The following LGR6 variants were observed in gnomAD, a reference collection of about 807,000 sequenced individuals.
LGR6 encodes the protein leucine rich repeat containing G protein-coupled receptor 6.
Under a neutral mutation model 69.4 loss-of-function variants are expected in LGR6, and 45 were observed. The ratio of observed to expected loss-of-function variants is 0.65; its 90% CI spans 0.51 to 0.83. The LOEUF is 0.83. LGR6 is among the 40% of genes least tolerant of loss of function. The probability of loss-of-function intolerance (pLI) is 0.00; values close to 1 mark genes in which losing one functional copy is unlikely to be tolerated. For synonymous variants in LGR6, 538 were observed against 555.0 expected, an observed-to-expected ratio of 0.97 and a Z score of 0.43; for missense variants, 1,108 against 1,246.7, an observed-to-expected ratio of 0.89 and a Z score of 1.68.
At chr1:202,265,863 C>A (rs955835433) in intron 4 of LGR6, among the ~76,000 whole-genome samples, 2 of 152,084 alleles carry the variant, frequency 1.3e-5, no homozygotes, top group African/African-American at 4.8e-5. Flanking sequence ...GGACATAGCC[C>A]GCGTCTTCAG....
intron 4 of LGR6, among the ~76,000 whole-genome samples, chr1:202,239,331 CTTGTGTGTGTGTGGTGTGTGTGTGT>C (rs1267036981): frequency 7.1e-6 from 1 of 140,588 alleles, no homozygotes; most frequent in South Asian, 2.4e-4. Context: ...GCTGGCTGAA[CTTGTGTGTGTGTGGTGTGTGTGTGT>C]GTGTGTGTGT....
intron 1 of LGR6, among the ~76,000 whole-genome samples, chr1:202,208,232 T>C (rs1659329303): frequency 6.6e-6 from 1 of 152,196 alleles, no homozygotes; most frequent in African/African-American, 2.4e-5. Flanking sequence ...CAGGAGACCC[T>C]GGGCTAGGAC....
chr1:202,206,191 C>T (rs140136517), intron 1 of LGR6, among the ~76,000 whole-genome samples: 4 of 152,364 alleles, frequency 2.6e-5, no homozygotes, highest in South Asian at 2.1e-4. Flanking sequence ...TAAACTAATC[C>T]GCTGCCTTTG....
chr1:202,275,761 C>T (rs1461873094), intron 4 of LGR6, among the ~76,000 whole-genome samples: 1 of 152,170 alleles, frequency 6.6e-6, no homozygotes, highest in Non-Finnish European at 1.5e-5. Context: ...GAGGACATTT[C>T]CCTCTGCCAA....
At chr1:202,226,386 T>C (rs1660553820) in intron 2 of LGR6, among the ~76,000 whole-genome samples, 1 of 152,218 alleles carries the variant, frequency 6.6e-6, no homozygotes, top group Non-Finnish European at 1.5e-5. Flanking sequence ...TCTTTTAGAA[T>C]TTAAATAAAA....
intron 1 of LGR6, among the ~76,000 whole-genome samples, chr1:202,211,853 A>G (rs1659474211): frequency 6.6e-6 from 1 of 152,014 alleles, no homozygotes; most frequent in Admixed American, 6.5e-5. Context: ...CCACCCCCAC[A>G]AAGATAGCAA....
chr1:202,209,949 A>G (rs1001968566), intron 1 of LGR6, among the ~76,000 whole-genome samples: 2 of 152,206 alleles, frequency 1.3e-5, no homozygotes, highest in African/African-American at 4.8e-5. Context: ...GTGATGCACC[A>G]TTGGTTTATA....
In LGR6 at chr1:202,204,358, CCACA is replaced by C. The variant is rs760626582; in HGVS notation, c.212+10167_212+10170del. Among the ~76,000 whole-genome samples the C allele has an allele frequency of 3.6e-5, 4 of 110,736 alleles. No individual in the cohort carries two copies. The East Asian group carries it at 1.2e-3, about 34-fold the overall frequency. The allele number at this position is 110,736 out of a possible 152,430, so 72.6% of individuals were successfully genotyped here. A position where few individuals can be genotyped will look rare whatever the true frequency, so the allele number is the denominator to read the frequency against. On this transcript the variant is annotated intron_variant, in intron 1 of 17. Coordinates refer to ENST00000367278, the MANE Select transcript of LGR6 (RefSeq NM_001017403.2). ...CACACACCTCCACACACACACACCT[CCACA>C]CACACACACCTCCACACACACACCT...
At position 202,193,988 on chromosome 1, in the gene LGR6, A is replaced by G; in HGVS notation, c.-2A>G. The G allele has an allele frequency of 7.3e-7, 1 of 1,369,828 alleles. No homozygotes were observed. Among genetic ancestry groups the G allele is most frequent in the South Asian group, 1.6e-5 (1 of 61,938 alleles). The allele number at this position is 1,369,828 out of a possible 1,614,324, so 84.9% of individuals were successfully genotyped here. ...AGGTGCCCCAGTAGCCCGACCGCCG[A>G]GATGCCCAGCCCGCCGGGGCTCCGG... On this transcript the variant is annotated 5_prime_UTR_variant, in exon 1 of 18. Transcript: ENST00000367278.
At chr1:202,292,095 G>A (rs1284378067) in intron 6 of LGR6, among the ~76,000 whole-genome samples, 2 of 152,174 alleles carry the variant, frequency 1.3e-5, no homozygotes, top group Non-Finnish European at 2.9e-5. Context: ...GTGTGAAAAT[G>A]GCACAACCCA....
chr1:202,195,543 G>A (rs1384885105), intron 1 of LGR6, among the ~76,000 whole-genome samples: 3 of 152,174 alleles, frequency 2.0e-5, no homozygotes, highest in East Asian at 3.9e-4. Context: ...AGTAGGTGAC[G>A]GCAGAGGCAA....
In LGR6 at chr1:202,319,053, G is replaced by A. The variant is rs753682169; in HGVS notation, c.2750G>A (p.Cys917Tyr). 4 of 1,614,198 alleles carry A rather than the reference G, an allele frequency of 2.5e-6. No individual in the cohort carries two copies. Among genetic ancestry groups the A allele is most frequent in the Non-Finnish European group, 3.4e-6 (4 of 1,180,022 alleles). The change falls in exon 18 of 18, where the codon TGT becomes TAT. Residue 917 changes from cysteine (C) to tyrosine (Y), a missense_variant. Cys to Tyr is a radical substitution (Grantham distance 194). Coordinates refer to ENST00000367278, the MANE Select transcript of LGR6 (RefSeq NM_001017403.2). ...PGAPRLEGSH[C>Y]VEPEGNHFGN... ...GCCCCCAGGCTGGAGGGCAGCCATTGTGTAGAGCCAGAGGGGAACCACTTT... is the reference window on the plus strand; with the variant it reads ...GCCCCCAGGCTGGAGGGCAGCCATTATGTAGAGCCAGAGGGGAACCACTTT...
At chr1:202,314,496 C>T (rs573174042) in intron 16 of LGR6, among the ~76,000 whole-genome samples, 1 of 152,316 alleles carries the variant, frequency 6.6e-6, no homozygotes, top group African/African-American at 2.4e-5. Flanking sequence ...GCTTCCACTC[C>T]AACTCGAAGC....
intron 4 of LGR6, among the ~76,000 whole-genome samples, chr1:202,239,114 A>AGGGGTAGGTGTCTTCCAACC (rs1661911225): frequency 6.6e-6 from 1 of 151,988 alleles, no homozygotes; most frequent in African/African-American, 2.4e-5. Flanking sequence ...CTCCATCTTC[A>AGGGGTAGGTGTCTTCCAACC]GGGGTAGGTG....
At chr1:202,212,678 C>T (rs374735964) in intron 1 of LGR6, among the ~76,000 whole-genome samples, 16 of 152,358 alleles carry the variant, frequency 1.1e-4, no homozygotes, top group African/African-American at 3.8e-4. Context: ...TTAGAGCCCA[C>T]TCAGATAATC....
At chr1:202,306,566 T>C (rs536584517) in intron 12 of LGR6, among the ~76,000 whole-genome samples, 1 of 152,196 alleles carries the variant, frequency 6.6e-6, no homozygotes, top group African/African-American at 2.4e-5. Flanking sequence ...GGACCCATGG[T>C]GATGGGAGGT....
chr1:202,271,298 G>A (rs183132936), intron 4 of LGR6, among the ~76,000 whole-genome samples: 74 of 152,180 alleles, frequency 4.9e-4, no homozygotes, highest in African/African-American at 1.7e-3. Context: ...AGATGGCAGG[G>A]GAGCCTAGGA....
rs1308004299 is a variant in LGR6 at position 202,193,946 on chromosome 1, G to A, written c.-44G>A. 4 of 1,233,864 alleles carry A rather than the reference G, an allele frequency of 3.2e-6. No individual in the cohort carries two copies. In the South Asian group the frequency reaches 6.7e-5, roughly 21 times the overall value. 76.4% of individuals were successfully genotyped at this position (1,233,864 alleles called of 1,614,324 possible). ...AGCAGCTGCGGCCATCGCGCCGTGC[G>A]TCCGCGCCCGGCCGCCAGGTGCCCC... On this transcript the variant is annotated 5_prime_UTR_variant, in exon 1 of 18. Coordinates refer to ENST00000367278, the MANE Select transcript of LGR6 (RefSeq NM_001017403.2).
At chr1:202,240,111 G>A (rs1207337153) in intron 4 of LGR6, among the ~76,000 whole-genome samples, 2 of 152,052 alleles carry the variant, frequency 1.3e-5, no homozygotes, top group African/African-American at 2.4e-5. Context: ...AGTGGCTCAC[G>A]CCTGTAATCC....
Sources: gnomAD v4.1 joint callset for allele counts (sites outside exome capture counted in the v4.1 genomes callset) on GRCh38, gnomAD v4.1.1 for gene constraint, MANE v1.5 for transcripts, NCBI Gene and HGNC (gene_info 2026-07-23, HGNC 2026-07-21) for gene names.